The following OR2AG1 variants were observed in gnomAD, a reference collection of about 807,000 sequenced individuals.
OR2AG1 encodes olfactory receptor 2AG1.
For synonymous variants in OR2AG1, 157 were observed against 155.6 expected, an observed-to-expected ratio of 1.01 and a Z score of -0.07; for missense variants, 391 against 385.9, an observed-to-expected ratio of 1.01 and a Z score of -0.11.
intron 1 of OR2AG1, among the ~76,000 whole-genome samples, chr11:6,784,375 TA>T (rs1847600907): frequency 6.6e-6 from 1 of 152,196 alleles, no homozygotes; most frequent in Non-Finnish European, 1.5e-5. Flanking sequence ...GTATTGACCC[TA>T]AAGTATTTAG....
At chr11:6,784,489 G>C (rs1291051806) in intron 1 of OR2AG1, among the ~76,000 whole-genome samples, 2 of 152,198 alleles carry the variant, frequency 1.3e-5, no homozygotes, top group Non-Finnish European at 2.9e-5. Flanking sequence ...GGCCAAGAGA[G>C]AAGTAACTAA....
Position 6,790,601 on chromosome 11 carries a change from T to A in OR2AG1, c.*4613T>A, listed in dbSNP as rs1174235348. 3 of 152,204 alleles carry A rather than the reference T, an allele frequency of 2.0e-5. No homozygotes were observed. Among genetic ancestry groups the A allele is most frequent in the Non-Finnish European group, 4.4e-5 (3 of 68,028 alleles). 9.4% of individuals were successfully genotyped at this position (152,204 alleles called of 1,614,324 possible). A position where few individuals can be genotyped will look rare whatever the true frequency, so the allele number is the denominator to read the frequency against. The stretch of plus-strand genomic sequence containing the variant: ...AAGAAAACTATGGGCAAATTATACA[T>A]AATAATAAACATAAAAAATCATTTG... On this transcript the variant is annotated 3_prime_UTR_variant, in exon 2 of 2. Transcript: ENST00000641258.
At chr11:6,784,007 CAT>C (rs1847598004) in intron 1 of OR2AG1, among the ~76,000 whole-genome samples, 1 of 152,194 alleles carries the variant, frequency 6.6e-6, no homozygotes, top group Admixed American at 6.5e-5. Context: ...TCACAATGCA[CAT>C]AGACTCCTGT....
rs547235897 is a variant in OR2AG1, at chr11:6,788,038, G to A, written c.*2050G>A. The A allele has an allele frequency of 6.6e-6, 1 of 152,164 alleles. No homozygotes were observed. The highest frequency in any genetic ancestry group is 6.5e-5 in the Admixed American group (1 of 15,286). 9.4% of individuals were successfully genotyped at this position (152,164 alleles called of 1,614,324 possible). On this transcript the variant is annotated 3_prime_UTR_variant, in exon 2 of 2. Coordinates refer to ENST00000641258, the MANE Select transcript of OR2AG1 (RefSeq NM_001004489.3). ...TTTGTTGAAGTTTTTTTACAGGTTA[G>A]GAACACGGAGACTTTGTTATATTTG... is the stretch of plus-strand genomic sequence containing the variant.
rs903454356 is a variant in OR2AG1 at position 6,791,320 on chromosome 11, C to A, written c.*5332C>A. ...GTTTTCATGAAGTGTGACTATGAAACATGAAAATCACACAAGGCAATCTTG... is the reference window on the plus strand; with the variant it reads ...GTTTTCATGAAGTGTGACTATGAAAAATGAAAATCACACAAGGCAATCTTG... On this transcript the variant is annotated 3_prime_UTR_variant, in exon 2 of 2. Coordinates refer to ENST00000641258, the MANE Select transcript of OR2AG1 (RefSeq NM_001004489.3). 1 of 152,128 alleles carries A rather than the reference C, an allele frequency of 6.6e-6. No individual in the cohort carries two copies. Among genetic ancestry groups the A allele is most frequent in the African/African-American group, 2.4e-5 (1 of 41,424 alleles). The allele number at this position is 152,128 out of a possible 1,614,324, so 9.4% of individuals were successfully genotyped here.
Position 6,786,219 on chromosome 11 carries a change from A to T in OR2AG1, c.*231A>T. On this transcript the variant is annotated 3_prime_UTR_variant, in exon 2 of 2. Coordinates refer to ENST00000641258, the MANE Select transcript of OR2AG1 (RefSeq NM_001004489.3). Reference sequence around the variant, plus strand: ...TTACTCTTCACTCTATTTAAAATTTAATCTTTATTTTCCCAGGAAGGTATT... The same window carrying T: ...TTACTCTTCACTCTATTTAAAATTTTATCTTTATTTTCCCAGGAAGGTATT... The T allele has an allele frequency of 2.3e-6, 1 of 431,664 alleles. No homozygotes were observed. Among genetic ancestry groups the T allele is most frequent in the Non-Finnish European group, 4.1e-6 (1 of 246,886 alleles). 26.7% of individuals were successfully genotyped at this position (431,664 alleles called of 1,614,324 possible).
chr11:6,784,981 CTT>C, intron 1 of OR2AG1, 35 bp from the exon 2 acceptor site: 1 of 1,155,256 alleles, frequency 8.7e-7, no homozygotes, highest in Admixed American at 2.2e-5. Flanking sequence ...TAGAGTTCAT[CTT>C]AGCAAAAATT....
rs1847619690 is a variant in OR2AG1, at chr11:6,785,726, C to A, written c.689C>A (p.Ser230Ter). 2 of 1,614,142 alleles carry A rather than the reference C, an allele frequency of 1.2e-6. No homozygotes were observed. The highest frequency in any genetic ancestry group is 4.5e-5 in the East Asian group (2 of 44,888). Reference sequence around the variant, plus strand: ...CTACTCACTGTGCTCCATATGCCATCAAATGAGGGGAGGAAGAAAGCCCTT... The same window carrying A: ...CTACTCACTGTGCTCCATATGCCATAAAATGAGGGGAGGAAGAAAGCCCTT... ...QILLTVLHMP[S>*]NEGRKKALVT... Residue 230 changes from serine (S) to a stop codon, truncating the protein, a stop_gained, in exon 2 of 2, where the codon TCA becomes TAA. Coordinates refer to ENST00000641258, the MANE Select transcript of OR2AG1 (RefSeq NM_001004489.3). LOFTEE classifies it high-confidence loss of function.
At position 6,786,171 on chromosome 11, in the gene OR2AG1, G is replaced by A; in HGVS notation, c.*183G>A. On this transcript the variant is annotated 3_prime_UTR_variant, in exon 2 of 2. Transcript: ENST00000641258. ...CTTCTCTCCATGAAGTAATTTATAG[G>A]GCATGATTTACACTATCTAAAATTA... 3 of 548,892 alleles carry A rather than the reference G, an allele frequency of 5.5e-6. No homozygotes were observed. The highest frequency in any genetic ancestry group is 6.3e-6 in the Non-Finnish European group (2 of 315,148). 34.0% of individuals were successfully genotyped at this position (548,892 alleles called of 1,614,324 possible).
chr11:6,784,891 G>A lies in OR2AG1; in HGVS notation c.-20-127G>A, dbSNP rs115932402. On this transcript the variant is annotated intron_variant, in intron 1 of 1. Coordinates refer to ENST00000641258, the MANE Select transcript of OR2AG1 (RefSeq NM_001004489.3). ...GTGAGAAGTCAGACATTCAGAAATC[G>A]AGAGGCAAAGTCAGTTATCAGTGGA... 553 of 552,032 alleles carry A rather than the reference G, an allele frequency of 1.0e-3. 2 individuals are homozygous for A. The highest frequency in any genetic ancestry group is 7.9e-3 in the African/African-American group (418 of 53,166). 34.2% of individuals were successfully genotyped at this position (552,032 alleles called of 1,614,324 possible). A position where few individuals can be genotyped will look rare whatever the true frequency, so the allele number is the denominator to read the frequency against.
rs1847648537 is a variant in OR2AG1, at chr11:6,788,344, T to C, written c.*2356T>C. The C allele has an allele frequency of 6.6e-6, 1 of 152,144 alleles. No homozygotes were observed. The highest frequency in any genetic ancestry group is 2.4e-5 in the African/African-American group (1 of 41,444). 9.4% of individuals were successfully genotyped at this position (152,144 alleles called of 1,614,324 possible). On this transcript the variant is annotated 3_prime_UTR_variant, in exon 2 of 2. Transcript: ENST00000641258. ...TCAAACTTATCTTTACATGTGAAAA[T>C]GATGATATTTCAACTTTTGTCAAAG...
At chr11:6,783,854 G>C (rs1447651870) in intron 1 of OR2AG1, among the ~76,000 whole-genome samples, 1 of 152,172 alleles carries the variant, frequency 6.6e-6, no homozygotes, top group Non-Finnish European at 1.5e-5. Flanking sequence ...TAACCATTAA[G>C]GTACTAATGG....
chr11:6,785,623 G>A lies in OR2AG1; in HGVS notation c.586G>A (p.Glu196Lys). The A allele has an allele frequency of 1.2e-6, 2 of 1,614,018 alleles. No individual in the cohort carries two copies. Among genetic ancestry groups the A allele is most frequent in the East Asian group, 2.2e-5 (1 of 44,888 alleles). The part of the protein sequence containing the change: ...KVACADTSRY[E>K]LMVYVMGVTF... ...GGCCTGTGCTGATACCTCCAGATATGAGCTCATGGTATATGTGATGGGTGT... is the reference window on the plus strand; with the variant it reads ...GGCCTGTGCTGATACCTCCAGATATAAGCTCATGGTATATGTGATGGGTGT... Residue 196 changes from glutamate (E) to lysine (K), a missense_variant, in exon 2 of 2, where the codon GAG becomes AAG. Transcript: ENST00000641258.
chr11:6,788,491 C>T lies in OR2AG1; in HGVS notation c.*2503C>T, dbSNP rs1847650111. The T allele has an allele frequency of 6.6e-6, 1 of 152,056 alleles. No individual in the cohort carries two copies. The highest frequency in any genetic ancestry group is 2.4e-5 in the African/African-American group (1 of 41,378). The allele number at this position is 152,056 out of a possible 1,614,324, so 9.4% of individuals were successfully genotyped here. ...ACTCTTCAGTTCTAGCTTCTTTCTC[C>T]TCTTTACTCTTTTGGAAGACATTTG... On this transcript the variant is annotated 3_prime_UTR_variant, in exon 2 of 2. Coordinates refer to ENST00000641258, the MANE Select transcript of OR2AG1 (RefSeq NM_001004489.3).
rs1417587103 is a variant in OR2AG1, at chr11:6,788,810, C to T, written c.*2822C>T. The T allele has an allele frequency of 6.6e-6, 1 of 151,726 alleles. No individual in the cohort carries two copies. The highest frequency in any genetic ancestry group is 1.5e-5 in the Non-Finnish European group (1 of 67,964). 9.4% of individuals were successfully genotyped at this position (151,726 alleles called of 1,614,324 possible). Reference sequence around the variant, plus strand: ...CCTGCGTGTACACTTCCTGTTTTCCCTCATTATAACTGCTTGAACCCGGGA... The same window carrying T: ...CCTGCGTGTACACTTCCTGTTTTCCTTCATTATAACTGCTTGAACCCGGGA... On this transcript the variant is annotated 3_prime_UTR_variant, in exon 2 of 2. Transcript: ENST00000641258.
rs1847653685 is a variant in OR2AG1, at chr11:6,788,842, G to C, written c.*2854G>C. 1 of 151,848 alleles carries C rather than the reference G, an allele frequency of 6.6e-6. No homozygotes were observed. The highest frequency in any genetic ancestry group is 1.5e-5 in the Non-Finnish European group (1 of 68,014). 9.4% of individuals were successfully genotyped at this position (151,848 alleles called of 1,614,324 possible). ...TAACTGCTTGAACCCGGGAGGCAGA[G>C]ACTGCAGTGAGCCGAGATTGCACCA... On this transcript the variant is annotated 3_prime_UTR_variant, in exon 2 of 2. Coordinates refer to ENST00000641258, the MANE Select transcript of OR2AG1 (RefSeq NM_001004489.3).
Position 6,785,656 on chromosome 11 carries a change from C to T in OR2AG1, c.619C>T (p.Leu207=). The T allele has an allele frequency of 1.9e-6, 3 of 1,614,052 alleles. No homozygotes were observed. Among genetic ancestry groups the T allele is most frequent in the South Asian group, 1.1e-5 (1 of 91,070 alleles). ...GGTATATGTGATGGGTGTGACCTTCCTGATTCCCTCTCTTGCTGCTATACT... is the reference window on the plus strand; with the variant it reads ...GGTATATGTGATGGGTGTGACCTTCTTGATTCCCTCTCTTGCTGCTATACT... ...LMVYVMGVTF[L]IPSLAAILAS... The change falls in exon 2 of 2, where the codon CTG becomes TTG. Residue 207 remains leucine, a synonymous_variant. Coordinates refer to ENST00000641258, the MANE Select transcript of OR2AG1 (RefSeq NM_001004489.3).
intron 1 of OR2AG1, among the ~76,000 whole-genome samples, chr11:6,784,525 G>A (rs1188162359): frequency 6.6e-6 from 1 of 152,202 alleles, no homozygotes; most frequent in Non-Finnish European, 1.5e-5. Context: ...GCCTACTAAT[G>A]AGGCTTTCAT....
At chr11:6,784,441 T>C (rs1034776672) in intron 1 of OR2AG1, among the ~76,000 whole-genome samples, 4 of 152,204 alleles carry the variant, frequency 2.6e-5, no homozygotes, top group African/African-American at 9.7e-5. Flanking sequence ...GGCAGTCCAT[T>C]ATCCCTTCTC....
Sources: gnomAD v4.1 joint callset for allele counts (sites outside exome capture counted in the v4.1 genomes callset) on GRCh38, gnomAD v4.1.1 for gene constraint, MANE v1.5 for transcripts, NCBI Gene and HGNC (gene_info 2026-07-23, HGNC 2026-07-21) for gene names.